Variants in CRB2 observed in about 807,000 individuals in gnomAD.
CRB2 encodes crumbs cell polarity complex component 2.
In CRB2, 85 loss-of-function variants were observed where a neutral mutation model predicts 110.9. That is an observed-to-expected ratio of 0.77 (90% CI 0.64 to 0.92). The LOEUF (loss-of-function observed/expected upper bound fraction) is 0.92. Among genes scored for constraint, CRB2 ranks in the 40% least tolerant of loss-of-function variants. CRB2 has a pLI of 0.00. For synonymous variants in CRB2, 907 were observed against 831.0 expected, an observed-to-expected ratio of 1.09 and a Z score of -1.57; for missense variants, 1,843 against 1,851.3, an observed-to-expected ratio of 1.00 and a Z score of 0.08.
chr9:123,356,349 T>C lies in CRB2; in HGVS notation c.89T>C (p.Leu30Pro). ...CTCTGGGCCCCTGCCCTTTCCCTCC[T>C]GGCTGGTGAGTTGGGGCCCATGTCT... ...LLLWAPALSL[L>P]AGTVPSEPPS... The change falls in exon 1 of 13, where the codon CTG (leucine) becomes CCG (proline). Residue 30 changes from leucine (L) to proline (P), a missense_variant. Leu to Pro is a moderately conservative substitution (Grantham distance 98). Transcript: ENST00000373631. The C allele has an allele frequency of 6.5e-7, 1 of 1,546,068 alleles. No homozygotes were observed. Among genetic ancestry groups the C allele is most frequent in the Non-Finnish European group, 8.7e-7 (1 of 1,145,272 alleles).
rs1011506616 is a variant in CRB2 at position 123,378,497 on chromosome 9, G to A, written c.*1435G>A. On this transcript the variant is annotated 3_prime_UTR_variant, in exon 13 of 13. Coordinates refer to ENST00000373631, the MANE Select transcript of CRB2 (RefSeq NM_173689.7). ...TGGGGAGCCACGTGACAACGTGGGG[G>A]ACTGGGACATGGGACTGGGAAGTCA... The A allele has an allele frequency of 2.6e-5, 4 of 152,300 alleles. No individual in the cohort carries two copies. Among genetic ancestry groups the A allele is most frequent in the Non-Finnish European group, 5.9e-5 (4 of 68,078 alleles). 9.4% of individuals were successfully genotyped at this position (152,300 alleles called of 1,614,324 possible). A position where few individuals can be genotyped will look rare whatever the true frequency, so the allele number is the denominator to read the frequency against.
chr9:123,379,375 G>C (rs1410427646), downstream of CRB2, among the ~76,000 whole-genome samples: 2 of 152,232 alleles, frequency 1.3e-5, no homozygotes, highest in African/African-American at 4.8e-5. Flanking sequence ...GCTCCTGGGT[G>C]CCCTCAACGT....
intron 4 of CRB2, among the ~76,000 whole-genome samples, chr9:123,366,584 G>C (rs1263576535): frequency 2.6e-5 from 4 of 152,220 alleles, no homozygotes; most frequent in African/African-American, 4.8e-5. Context: ...CGGGGAGCTC[G>C]AAGGTGCGAC....
chr9:123,375,426 C>G, intron 12 of CRB2, 83 bp downstream of exon 12: 1 of 1,438,002 alleles, frequency 7.0e-7, no homozygotes, highest in Non-Finnish European at 9.2e-7. Context: ...AGCGCAGCAC[C>G]ATGGGGCTGT....
intron 9 of CRB2, among the ~76,000 whole-genome samples, chr9:123,372,637 A>G (rs1431386766): frequency 6.6e-6 from 1 of 152,220 alleles, no homozygotes; most frequent in African/African-American, 2.4e-5. Context: ...GGGGGTGAGC[A>G]GGAATGGGGT....
Position 123,370,807 on chromosome 9 carries a change from T to TG in CRB2, c.1756dup (p.Asp586GlyfsTer8). The TG allele has an allele frequency of 6.2e-7, 1 of 1,604,032 alleles. No individual in the cohort carries two copies. The highest frequency in any genetic ancestry group is 1.1e-5 in the South Asian group (1 of 91,038). Reference sequence around the variant, plus strand: ...GCAGGCTGCCTCCAGGACGTGCGTGTGGATGGCCACCTCCTGCTGCCTGAG... The same window carrying TG: ...GCAGGCTGCCTCCAGGACGTGCGTGTGGGATGGCCACCTCCTGCTGCCTGAG... On this transcript the variant is annotated frameshift_variant, in exon 7 of 13. Transcript: ENST00000373631. LOFTEE classifies it high-confidence loss of function.
At chr9:123,360,438 G>A (rs528288741) in intron 1 of CRB2, among the ~76,000 whole-genome samples, 4 of 151,908 alleles carry the variant, frequency 2.6e-5, no homozygotes, top group African/African-American at 7.2e-5. Context: ...CCCCTCCTCC[G>A]CCCTGCTGCC....
chr9:123,378,303 G>A lies in CRB2; in HGVS notation c.*1241G>A, dbSNP rs1304845554. On this transcript the variant is annotated 3_prime_UTR_variant, in exon 13 of 13. Transcript: ENST00000373631. ...CACACTGTGACCTCCCATCCCTGAA[G>A]GGCACCTGCCTGAGGGCCTGGCCTC... 2 of 152,338 alleles carry A rather than the reference G, an allele frequency of 1.3e-5. No homozygotes were observed. Among genetic ancestry groups the A allele is most frequent in the Non-Finnish European group, 2.9e-5 (2 of 68,104 alleles). 9.4% of individuals were successfully genotyped at this position (152,338 alleles called of 1,614,324 possible). A position where few individuals can be genotyped will look rare whatever the true frequency, so the allele number is the denominator to read the frequency against.
intron 1 of CRB2, among the ~76,000 whole-genome samples, chr9:123,361,142 G>GGGGGGGGC (rs1554781934): frequency 6.6e-6 from 1 of 150,456 alleles, no homozygotes. Context: ...CGGGGAGGGG[G>GGGGGGGGC]GGGGGTTCCT....
intron 12 of CRB2, among the ~76,000 whole-genome samples, chr9:123,376,211 TG>T (rs1164027316): frequency 6.6e-5 from 10 of 152,196 alleles, no homozygotes; most frequent in Admixed American, 5.9e-4. Flanking sequence ...CACAGTGGGC[TG>T]GGAAGCCTGG....
At chr9:123,357,883 T>C (rs908498336) in intron 1 of CRB2, among the ~76,000 whole-genome samples, 3 of 152,236 alleles carry the variant, frequency 2.0e-5, no homozygotes, top group African/African-American at 4.8e-5. Context: ...CACGCACATG[T>C]GGACATGTGT....
At chr9:123,362,826 C>G in intron 1 of CRB2, 39 bp from the exon 2 acceptor site, 1 of 1,532,764 alleles carries the variant, frequency 6.5e-7, no homozygotes, top group Non-Finnish European at 8.8e-7. Flanking sequence ...TCCTTGTAAC[C>G]TCTGCCCACC....
At position 123,376,825 on chromosome 9, in the gene CRB2, G is replaced by A. The variant is rs181069668; in HGVS notation, c.3634-13G>A. The A allele has an allele frequency of 1.9e-6, 3 of 1,599,654 alleles. No homozygotes were observed. In the Admixed American group the frequency reaches 5.2e-5, roughly 28 times the overall value. The stretch of plus-strand genomic sequence containing the variant: ...CTCTGCGGTCTTAGGCCTCGGTGTC[G>A]TGTCTCTTGCAGAAGGGCCTGCCCC... On this transcript the variant is annotated splice_polypyrimidine_tract_variant and intron_variant, in intron 12 of 12. Transcript: ENST00000373631.
chr9:123,365,019 C>T (rs563519584), intron 2 of CRB2, among the ~76,000 whole-genome samples: 9 of 152,218 alleles, frequency 5.9e-5, no homozygotes, highest in African/African-American at 1.2e-4. Context: ...CCCAGCACTT[C>T]GGGAGGCTGA....
At chr9:123,366,201 C>T in intron 3 of CRB2, 26 bp from the exon 4 acceptor site, 4 of 1,397,718 alleles carry the variant, frequency 2.9e-6, no homozygotes, top group Non-Finnish European at 3.7e-6. Context: ...GGCGCGCGCT[C>T]AGCTCCGCCG....
Position 123,370,955 on chromosome 9 carries a change from C to G in CRB2, c.1902C>G (p.Pro634=). Residue 634 remains proline (P), a synonymous_variant, in exon 7 of 13, where the codon CCC becomes CCG. Coordinates refer to ENST00000373631, the MANE Select transcript of CRB2 (RefSeq NM_173689.7). ...ATTTCCGTTGCGACTGTGCCCGGCC[C>G]CATAGAGGTCCCACGTGCGCTGATG... The part of the protein sequence containing the change: ...WTHFRCDCAR[P]HRGPTCADEI... The G allele has an allele frequency of 1.2e-6, 2 of 1,608,252 alleles. No individual in the cohort carries two copies. The highest frequency in any genetic ancestry group is 8.5e-7 in the Non-Finnish European group (1 of 1,176,206).
Position 123,377,430 on chromosome 9 carries a change from T to C in CRB2, c.*368T>C. ...TGCAGATGCTAGTGTGAGTGTGTCC[T>C]GACATGGCTCCAGGGCGTGTCTGCC... On this transcript the variant is annotated 3_prime_UTR_variant, in exon 13 of 13. Coordinates refer to ENST00000373631, the MANE Select transcript of CRB2 (RefSeq NM_173689.7). 4.9e-6 allele frequency: 1 copy of C among 205,280 alleles called. No homozygotes were observed. Among genetic ancestry groups the C allele is most frequent in the Non-Finnish European group, 9.7e-6 (1 of 103,122 alleles). 12.7% of individuals were successfully genotyped at this position (205,280 alleles called of 1,614,324 possible).
intron 1 of CRB2, among the ~76,000 whole-genome samples, chr9:123,360,422 G>A (rs2041854395): frequency 6.6e-6 from 1 of 152,080 alleles, no homozygotes; most frequent in Non-Finnish European, 1.5e-5. Flanking sequence ...CGGGAAGGGG[G>A]GACAGCCCCT....
At position 123,371,146 on chromosome 9, in the gene CRB2, C is replaced by A. The variant is rs562412198; in HGVS notation, c.2004C>A (p.Pro668=). 1.4e-5 allele frequency: 23 copies of A among 1,613,564 alleles called. No individual in the cohort carries two copies. In the South Asian group the frequency reaches 1.9e-4, roughly 13 times the overall value. ...ASFLLQELPG[P]NLTVSFLLRT... is the part of the protein sequence containing the mutation. ...TTCTGCTCCAAGAGCTGCCAGGTCC[C>A]AACCTCACAGTGTCTTTCCTTCTCC... The change falls in exon 8 of 13, where the codon CCC becomes CCA. Residue 668 remains proline (P), a synonymous_variant. Transcript: ENST00000373631.
Sources: allele counts gnomAD v4.1 joint callset (sites outside exome capture counted in the v4.1 genomes callset), GRCh38; gene constraint gnomAD v4.1.1; transcripts MANE v1.5; gene names NCBI Gene and HGNC (gene_info 2026-07-23, HGNC 2026-07-21).